Variants in ARFIP1 observed in about 807,000 individuals in gnomAD.
The protein encoded by ARFIP1 is ARF interacting protein 1.
In ARFIP1, 24 loss-of-function variants were observed where a neutral mutation model predicts 42.5. The observed-to-expected ratio is 0.57, with a 90% CI of 0.41 to 0.80. The LOEUF is 0.80. Among genes scored for constraint, ARFIP1 ranks in the 30% least tolerant of loss-of-function variants. The pLI is 0.00. For synonymous variants in ARFIP1, 141 were observed against 153.7 expected, an observed-to-expected ratio of 0.92 and a Z score of 0.61; for missense variants, 354 against 434.0, an observed-to-expected ratio of 0.82 and a Z score of 1.64.
intron 8 of ARFIP1, among the ~76,000 whole-genome samples, chr4:152,897,788 A>T (rs1737467390): frequency 6.6e-6 from 1 of 152,170 alleles, no homozygotes; most frequent in African/African-American, 2.4e-5. Flanking sequence ...ATACTTGAAC[A>T]GATCACTAAT....
In ARFIP1 at chr4:152,804,268, T is replaced by TAA. The variant is rs1484226452; in HGVS notation, c.-10+24042_-10+24043insAA. ...TATATAATATAACATGTATTATATA[T>TAA]TATATATATAACATAACATGTATTA... On this transcript the variant is annotated intron_variant, in intron 1 of 8. Transcript: ENST00000353617. 1.9e-4 allele frequency among the ~76,000 whole-genome samples: 11 copies of TAA among 58,490 alleles called. 2 individuals are homozygous for TAA. The highest frequency in any genetic ancestry group is 6.3e-4 in the African/African-American group (7 of 11,048). The allele number at this position is 58,490 out of a possible 152,430, so 38.4% of individuals were successfully genotyped here.
chr4:152,824,395 A>G (rs979832783), intron 1 of ARFIP1, among the ~76,000 whole-genome samples: 4 of 152,212 alleles, frequency 2.6e-5, no homozygotes, highest in African/African-American at 4.8e-5. Context: ...AGCATATGCA[A>G]GTCAATAAAT....
At chr4:152,864,385 T>A (rs1302488260) in intron 3 of ARFIP1, among the ~76,000 whole-genome samples, 2 of 152,232 alleles carry the variant, frequency 1.3e-5, no homozygotes, top group Non-Finnish European at 2.9e-5. Context: ...GTGACACTCA[T>A]GGCTATGATT....
intron 8 of ARFIP1, among the ~76,000 whole-genome samples, chr4:152,893,423 A>G (rs756118420): frequency 3.3e-5 from 5 of 151,998 alleles, no homozygotes; most frequent in Non-Finnish European, 5.9e-5. Context: ...TTTTTTTTAG[A>G]TAGCTTTTTA....
chr4:152,786,235 C>T (rs1228402273), intron 1 of ARFIP1, among the ~76,000 whole-genome samples: 2 of 152,176 alleles, frequency 1.3e-5, no homozygotes, highest in Non-Finnish European at 2.9e-5. Flanking sequence ...CTGCTTTGAG[C>T]TGTAGATCTG....
At chr4:152,815,360 G>C (rs1472120410) in intron 1 of ARFIP1, among the ~76,000 whole-genome samples, 2 of 152,100 alleles carry the variant, frequency 1.3e-5, no homozygotes, top group African/African-American at 4.8e-5. Context: ...ATAGAAAAAA[G>C]TTGTTGACTC....
At position 152,806,678 on chromosome 4, in the gene ARFIP1, A is replaced by C. The variant is rs917630132; in HGVS notation, c.-9-22947A>C. ...TAGTTTCTTGTGTCCCTTTGCAATC[A>C]GTTCTTCCCTACATTACTTGTCTCC... On this transcript the variant is annotated intron_variant, in intron 1 of 8. Transcript: ENST00000353617. Among the ~76,000 whole-genome samples the C allele has an allele frequency of 6.7e-4, 102 of 152,112 alleles. 1 individual carries two copies. Among genetic ancestry groups the C allele is most frequent in the Non-Finnish European group, 8.8e-4 (60 of 68,036 alleles).
intron 8 of ARFIP1, among the ~76,000 whole-genome samples, chr4:152,892,507 C>G (rs935635702): frequency 6.6e-6 from 1 of 152,150 alleles, no homozygotes; most frequent in Non-Finnish European, 1.5e-5. Flanking sequence ...TAGTAATAAG[C>G]TTTAGCATTT....
chr4:152,797,050 A>T (rs950298623), intron 1 of ARFIP1, among the ~76,000 whole-genome samples: 1 of 152,154 alleles, frequency 6.6e-6, no homozygotes, highest in African/African-American at 2.4e-5. Flanking sequence ...TCCTTTCCCT[A>T]TACCAACTTT....
intron 8 of ARFIP1, among the ~76,000 whole-genome samples, chr4:152,905,545 GTTT>G (rs59608457): frequency 1.0e-3 from 31 of 30,364 alleles, no homozygotes; most frequent in Admixed American, 1.8e-3. Context: ...TGTAAGAATT[GTTT>G]TTTTTTTTTT....
intron 2 of ARFIP1, among the ~76,000 whole-genome samples, chr4:152,847,014 G>C (rs1388477507): frequency 6.6e-6 from 1 of 150,830 alleles, no homozygotes; most frequent in Non-Finnish European, 1.5e-5. Context: ...GAGAGGCCCT[G>C]GTTAGCTTTA....
intron 1 of ARFIP1, among the ~76,000 whole-genome samples, chr4:152,794,175 A>G (rs1731294856): frequency 6.6e-6 from 1 of 151,566 alleles, no homozygotes; most frequent in African/African-American, 2.4e-5. Context: ...TATTGATTAA[A>G]CTATAGCTCT....
At chr4:152,847,099 G>A (rs148052544) in intron 2 of ARFIP1, among the ~76,000 whole-genome samples, 8 of 107,170 alleles carry the variant, frequency 7.5e-5, no homozygotes, top group African/African-American at 1.4e-4. Context: ...TCATTGCCTC[G>A]TATGTTAATG....
At chr4:152,900,644 T>C (rs1325844514) in intron 8 of ARFIP1, among the ~76,000 whole-genome samples, 2 of 152,164 alleles carry the variant, frequency 1.3e-5, no homozygotes, top group African/African-American at 2.4e-5. Context: ...AAAATTATAC[T>C]CCACAAACCT....
intron 1 of ARFIP1, among the ~76,000 whole-genome samples, chr4:152,819,085 C>T (rs1730144330): frequency 6.6e-6 from 1 of 152,050 alleles, no homozygotes; most frequent in Non-Finnish European, 1.5e-5. Context: ...ACCCCATGGC[C>T]CTGCCCATTA....
chr4:152,782,763 C>T (rs1218392571), intron 1 of ARFIP1, among the ~76,000 whole-genome samples: 1 of 152,078 alleles, frequency 6.6e-6, no homozygotes, highest in African/African-American at 2.4e-5. Flanking sequence ...CTTGTGAATA[C>T]GTTAGTATCC....
intron 1 of ARFIP1, among the ~76,000 whole-genome samples, chr4:152,824,978 TACACACAC>T (rs143500895): frequency 0.011 from 1,693 of 149,780 alleles, 40 homozygotes; most frequent in African/African-American, 0.038. Flanking sequence ...CACACATACA[TACACACAC>T]ACACACATAC....
intron 1 of ARFIP1, among the ~76,000 whole-genome samples, chr4:152,797,032 C>T (rs1731513221): frequency 6.6e-6 from 1 of 152,082 alleles, no homozygotes; most frequent in Non-Finnish European, 1.5e-5. Context: ...TTTATTGTTT[C>T]TGGATTCTCC....
At chr4:152,877,314 T>C (rs1735442833) in intron 5 of ARFIP1, among the ~76,000 whole-genome samples, 1 of 152,180 alleles carries the variant, frequency 6.6e-6, no homozygotes. Flanking sequence ...CAGCATGACC[T>C]GGATGTGAGA....
Sources: allele counts gnomAD v4.1 joint callset (sites outside exome capture counted in the v4.1 genomes callset), GRCh38; gene constraint gnomAD v4.1.1; transcripts MANE v1.5; gene names NCBI Gene and HGNC (gene_info 2026-07-23, HGNC 2026-07-21).